The following MYLK variants were observed in gnomAD, a reference collection of about 807,000 sequenced individuals.
MYLK encodes myosin light chain kinase, smooth muscle.
Under a neutral mutation model 203.4 loss-of-function variants are expected in MYLK, and 106 were observed. The ratio of observed to expected loss-of-function variants is 0.52; its 90% CI spans 0.45 to 0.61. The LOEUF (loss-of-function observed/expected upper bound fraction) is 0.61, where lower values mean the gene tolerates loss of function less well. Among genes scored for constraint, MYLK ranks in the 20% least tolerant of loss-of-function variants. MYLK has a pLI of 0.00. For missense variants in MYLK, 2,072 were observed against 2,442.3 expected, an observed-to-expected ratio of 0.85 and a Z score of 3.20; for synonymous variants, 867 against 959.5, an observed-to-expected ratio of 0.90 and a Z score of 1.78.
In MYLK at chr3:123,648,658, C is replaced by T. The variant is rs1227666087; in HGVS notation, c.4415+313G>A. On this transcript the variant is annotated intron_variant, in intron 26 of 33. Coordinates refer to ENST00000360304, the MANE Select transcript of MYLK (RefSeq NM_053025.4). The surrounding 1 kb of genome is among the most constrained non-coding windows in gnomAD (Gnocchi z 4.5). ...GCACCCCCTGCTCTCCCCTGACAGG[C>T]CCCAGTGAGTGTTATTCCCCTCCCT... Among the ~76,000 whole-genome samples, 1 of 152,064 alleles carries T rather than the reference C, an allele frequency of 6.6e-6. No homozygotes were observed. Among genetic ancestry groups the T allele is most frequent in the African/African-American group, 2.4e-5 (1 of 41,398 alleles).
chr3:123,634,268 A>G (rs1296172893), intron 29 of MYLK, among the ~76,000 whole-genome samples: 2 of 152,180 alleles, frequency 1.3e-5, no homozygotes, highest in South Asian at 2.1e-4. Context: ...CAGGGATCCT[A>G]GGGCTGGAAT....
At chr3:123,757,059 C>T (rs1345253220) in intron 4 of MYLK, among the ~76,000 whole-genome samples, 1 of 150,710 alleles carries the variant, frequency 6.6e-6, no homozygotes, top group Non-Finnish European at 1.5e-5. Context: ...TGCAGGCAGG[C>T]AGTCGCTTGG....
At chr3:123,832,448 TA>T (rs2066361898) in intron 2 of MYLK, among the ~76,000 whole-genome samples, 1 of 152,256 alleles carries the variant, frequency 6.6e-6, no homozygotes, top group Non-Finnish European at 1.5e-5. Context: ...GATGGTGTGT[TA>T]ATTTGAAAAG....
chr3:123,614,131 C>T lies in MYLK; in HGVS notation c.5719G>A (p.Gly1907Arg), dbSNP rs2057332326. 1 of 1,613,844 alleles carries T rather than the reference C, an allele frequency of 6.2e-7. No individual in the cohort carries two copies. Among genetic ancestry groups the T allele is most frequent in the African/African-American group, 1.3e-5 (1 of 74,846 alleles). Residue 1907 changes from glycine (G) to arginine (R), a missense_variant, in exon 34 of 34, where the codon GGG becomes AGG. Gly to Arg is a moderately radical substitution (Grantham distance 125). Coordinates refer to ENST00000360304, the MANE Select transcript of MYLK (RefSeq NM_053025.4). ...CACTCTTCTTCCTCTTCCCCTTCCC[C>T]TTCACCTTCCTCCATCGTTTCCACA... is the stretch of plus-strand genomic sequence containing the variant. ...LIVETMEEGE[G>R]EGEEEEE
At chr3:123,881,082 G>A (rs757666748) in intron 1 of MYLK, among the ~76,000 whole-genome samples, 2 of 152,170 alleles carry the variant, frequency 1.3e-5, no homozygotes, top group Non-Finnish European at 2.9e-5. Context: ...GGTGGGAGAG[G>A]GGCGTGGCTT....
chr3:123,717,374 TCTAATA>T (rs2108707701), intron 13 of MYLK, among the ~76,000 whole-genome samples: 1 of 152,358 alleles, frequency 6.6e-6, no homozygotes, highest in East Asian at 1.9e-4. Flanking sequence ...AAACAAATAC[TCTAATA>T]AATATGCTTG....
intron 27 of MYLK, chr3:123,646,954 C>T (rs1449515740): frequency 1.9e-6 from 1 of 533,558 alleles, no homozygotes; most frequent in Non-Finnish European, 3.4e-6. Flanking sequence ...GAGAAAGACA[C>T]CAGGGTCCTC....
chr3:123,699,955 C>T (rs2061113911), intron 18 of MYLK, 65 bp downstream of exon 18: 3 of 1,610,190 alleles, frequency 1.9e-6, no homozygotes, highest in African/African-American at 1.3e-5. Context: ...GAGACCAACG[C>T]TCCATGAGCT....
chr3:123,854,054 C>T (rs2031122004), intron 2 of MYLK, among the ~76,000 whole-genome samples: 1 of 151,230 alleles, frequency 6.6e-6, no homozygotes, highest in Admixed American at 6.6e-5. Context: ...AGATGAGAAG[C>T]AATTTGGAAG....
chr3:123,694,994 C>T (rs1181960127), intron 18 of MYLK, among the ~76,000 whole-genome samples: 4 of 152,260 alleles, frequency 2.6e-5, no homozygotes, highest in African/African-American at 7.2e-5. Flanking sequence ...GTCAGCATCA[C>T]TGCAGAGCTC....
intron 4 of MYLK, among the ~76,000 whole-genome samples, chr3:123,766,631 G>A (rs1400844493): frequency 6.6e-6 from 1 of 152,256 alleles, no homozygotes; most frequent in Non-Finnish European, 1.5e-5. Flanking sequence ...GCCCGCCTTA[G>A]GAGGGGTCCT....
chr3:123,660,330 G>A (rs1010548647), intron 23 of MYLK, among the ~76,000 whole-genome samples: 1 of 152,192 alleles, frequency 6.6e-6, no homozygotes, highest in African/African-American at 2.4e-5. Flanking sequence ...TCCAAACTCA[G>A]TTAGTATTTG....
intron 18 of MYLK, among the ~76,000 whole-genome samples, chr3:123,694,023 C>A (rs959585961): frequency 9.2e-5 from 14 of 152,130 alleles, no homozygotes; most frequent in Non-Finnish European, 1.5e-4. Flanking sequence ...ACTGTCCCTG[C>A]CCCCCATTAC....
chr3:123,638,938 G>C lies in MYLK; in HGVS notation c.4838-744C>G, dbSNP rs2058738742. ...TAACTTCGCAGAGCTCACAGCAAAT[G>C]TTCTAAAACAAAGCATTTAACAGCC... On this transcript the variant is annotated intron_variant, in intron 28 of 33. Transcript: ENST00000360304. 11 of 985,310 alleles carry C rather than the reference G, an allele frequency of 1.1e-5. No homozygotes were observed. In the Admixed American group the frequency reaches 6.8e-4, roughly 61 times the overall value. 61.0% of individuals were successfully genotyped at this position (985,310 alleles called of 1,614,324 possible).
rs559514791 is a variant in MYLK, at chr3:123,814,034, C to G, written c.-4+17514G>C. On this transcript the variant is annotated intron_variant, in intron 3 of 33. Coordinates refer to ENST00000360304, the MANE Select transcript of MYLK (RefSeq NM_053025.4). The stretch of plus-strand genomic sequence containing the variant: ...CTACCCTAATCACTCCCATGTCTCC[C>G]TAAGTCTAGACACAAGACATGACTT... The G allele has an allele frequency of 6.3e-5, 13 of 205,070 alleles. No homozygotes were observed. In the East Asian group the frequency reaches 1.9e-3, roughly 31 times the overall value. The allele number at this position is 205,070 out of a possible 1,614,324, so 12.7% of individuals were successfully genotyped here.
rs2062511261 is a variant in MYLK at position 123,732,352 on chromosome 3, T to C, written c.1516+544A>G. Among the ~76,000 whole-genome samples, 2 of 152,236 alleles carry C rather than the reference T, an allele frequency of 1.3e-5. 1 individual carries two copies. The highest frequency in any genetic ancestry group is 1.3e-4 in the Admixed American group (2 of 15,284). ...CAAGAATTGTATAAAAAGATGTTAA[T>C]ATCACATGAGCAAATTAGGATAGAA... is the stretch of plus-strand genomic sequence containing the variant. On this transcript the variant is annotated intron_variant, in intron 11 of 33. Transcript: ENST00000360304.
In MYLK at chr3:123,672,888, C is replaced by T. The variant is rs114146823; in HGVS notation, c.3653-5701G>A. Reference sequence around the variant, plus strand: ...TAGGGGAAAGCACCTGGTTCTAAAACCCGGTTTCTCAGAGGGAGCATTTCA... The same window carrying T: ...TAGGGGAAAGCACCTGGTTCTAAAATCCGGTTTCTCAGAGGGAGCATTTCA... On this transcript the variant is annotated intron_variant, in intron 20 of 33. Coordinates refer to ENST00000360304, the MANE Select transcript of MYLK (RefSeq NM_053025.4). 4.7e-3 allele frequency among the ~76,000 whole-genome samples: 710 copies of T among 152,268 alleles called. 1 individual carries two copies. Among genetic ancestry groups the T allele is most frequent in the South Asian group, 0.014 (66 of 4,816 alleles).
At chr3:123,865,579 C>T (rs1309181615) in intron 2 of MYLK, among the ~76,000 whole-genome samples, 3 of 152,192 alleles carry the variant, frequency 2.0e-5, no homozygotes, top group African/African-American at 7.2e-5. Context: ...CTTCAAAAAA[C>T]AAACATGGCA....
chr3:123,820,464 T>C (rs922018951), intron 3 of MYLK, among the ~76,000 whole-genome samples: 11 of 152,164 alleles, frequency 7.2e-5, no homozygotes, highest in Admixed American at 2.0e-4. Context: ...CTTTTTCAGA[T>C]ACCCTAAATT....
Sources: allele counts gnomAD v4.1 joint callset (sites outside exome capture counted in the v4.1 genomes callset), GRCh38; gene constraint gnomAD v4.1.1; non-coding constraint Gnocchi (gnomAD v3.1); transcripts MANE v1.5; gene names NCBI Gene and HGNC (gene_info 2026-07-23, HGNC 2026-07-21).